The following PPM1L variants were observed in gnomAD, a reference collection of about 807,000 sequenced individuals.
PPM1L encodes protein phosphatase 1L.
Under a neutral mutation model 31.4 loss-of-function variants are expected in PPM1L, and 13 were observed. The observed-to-expected ratio is 0.41, with a 90% CI of 0.27 to 0.66. PPM1L has a LOEUF of 0.66. Ranked by LOEUF, PPM1L falls within the 30% of genes least tolerant of loss-of-function variation. The probability of loss-of-function intolerance (pLI) is 0.29; values close to 1 mark genes in which losing one functional copy is unlikely to be tolerated. For missense variants in PPM1L, 326 were observed against 453.7 expected, an observed-to-expected ratio of 0.72 and a Z score of 2.56; for synonymous variants, 184 against 175.4, an observed-to-expected ratio of 1.05 and a Z score of -0.39.
At chr3:161,025,302 G>A (rs982394142) in intron 2 of PPM1L, among the ~76,000 whole-genome samples, 16 of 152,028 alleles carry the variant, frequency 1.1e-4, no homozygotes, top group Non-Finnish European at 2.1e-4. Flanking sequence ...AGTGGCTTGC[G>A]CTTATAATCC....
At chr3:160,848,876 C>T (rs1471955934) in intron 1 of PPM1L, among the ~76,000 whole-genome samples, 1 of 152,202 alleles carries the variant, frequency 6.6e-6, no homozygotes, top group Non-Finnish European at 1.5e-5. Context: ...GGAAATCTGG[C>T]AGTCCTCTAG....
intron 1 of PPM1L, among the ~76,000 whole-genome samples, chr3:160,858,994 C>T (rs1468028746): frequency 4.6e-5 from 7 of 152,106 alleles, no homozygotes; most frequent in Non-Finnish European, 8.8e-5. Context: ...TTCCCGTGGC[C>T]ACTGGGGTAG....
chr3:160,829,295 C>A (rs1195060584), intron 1 of PPM1L, among the ~76,000 whole-genome samples: 1 of 151,636 alleles, frequency 6.6e-6, no homozygotes, highest in Non-Finnish European at 1.5e-5. Context: ...CCAATGAATA[C>A]TCAATAAATG....
intron 2 of PPM1L, among the ~76,000 whole-genome samples, chr3:161,061,402 G>A (rs1280746091): frequency 6.6e-6 from 1 of 152,158 alleles, no homozygotes; most frequent in Non-Finnish European, 1.5e-5. Context: ...TTCACCATGA[G>A]GTAGATCTTA....
intron 2 of PPM1L, among the ~76,000 whole-genome samples, chr3:161,041,256 C>T (rs936480093): frequency 6.6e-6 from 1 of 152,178 alleles, no homozygotes; most frequent in Non-Finnish European, 1.5e-5. Flanking sequence ...CTGGCCCCGC[C>T]CTGGCTTTGA....
chr3:160,943,701 A>G (rs780727748), intron 1 of PPM1L, among the ~76,000 whole-genome samples: 12 of 152,166 alleles, frequency 7.9e-5, no homozygotes, highest in East Asian at 1.9e-4. Context: ...AATTGATAGT[A>G]GAAATTCAGT....
intron 1 of PPM1L, among the ~76,000 whole-genome samples, chr3:160,806,709 A>G (rs1712608660): frequency 6.6e-6 from 1 of 151,938 alleles, no homozygotes; most frequent in Admixed American, 6.6e-5. Context: ...ATTCGAATGT[A>G]GCCTGAGCAA....
At chr3:160,936,528 A>G (rs1481919511) in intron 1 of PPM1L, among the ~76,000 whole-genome samples, 4 of 152,188 alleles carry the variant, frequency 2.6e-5, no homozygotes, top group Non-Finnish European at 4.4e-5. Context: ...AGTTTCTCGG[A>G]TGTTTAGTAT....
chr3:160,780,106 C>G (rs559985277), intron 1 of PPM1L, among the ~76,000 whole-genome samples: 1 of 152,102 alleles, frequency 6.6e-6, no homozygotes, highest in South Asian at 2.1e-4. Context: ...CCCATTGCAG[C>G]CTCAAACTCC....
intron 2 of PPM1L, among the ~76,000 whole-genome samples, chr3:161,010,603 T>A (rs1435312677): frequency 1.3e-5 from 2 of 152,186 alleles, no homozygotes; most frequent in African/African-American, 4.8e-5. Context: ...TGCCACACTG[T>A]CTTCCACAAT....
chr3:160,991,570 T>G (rs999191800), intron 2 of PPM1L, among the ~76,000 whole-genome samples: 1 of 152,164 alleles, frequency 6.6e-6, no homozygotes, highest in Non-Finnish European at 1.5e-5. Flanking sequence ...CTTGATGAAA[T>G]TTTTTTAAAT....
intron 1 of PPM1L, among the ~76,000 whole-genome samples, chr3:160,900,892 T>C (rs372689408): frequency 3.2e-4 from 48 of 152,298 alleles, no homozygotes; most frequent in African/African-American, 1.1e-3. Context: ...ATCTAAATGA[T>C]CAGTTCTTTG....
intron 1 of PPM1L, among the ~76,000 whole-genome samples, chr3:160,790,178 A>G (rs1332353217): frequency 1.3e-5 from 2 of 152,154 alleles, no homozygotes. Flanking sequence ...GCTGTGAGGT[A>G]GGACTTTGAC....
chr3:161,018,444 A>C (rs765442969), intron 2 of PPM1L, among the ~76,000 whole-genome samples: 27 of 152,190 alleles, frequency 1.8e-4, no homozygotes, highest in Non-Finnish European at 3.1e-4. Context: ...ATATTTTTAC[A>C]AATGGAATTC....
At chr3:160,898,765 A>G (rs2108051788) in intron 1 of PPM1L, among the ~76,000 whole-genome samples, 2 of 152,310 alleles carry the variant, frequency 1.3e-5, no homozygotes, top group Middle Eastern at 3.4e-3. Context: ...AGTAGGTGCC[A>G]CTTATGAACA....
At chr3:160,972,916 A>G (rs1319229794) in intron 2 of PPM1L, among the ~76,000 whole-genome samples, 1 of 152,032 alleles carries the variant, frequency 6.6e-6, no homozygotes, top group Non-Finnish European at 1.5e-5. Flanking sequence ...ATGGTATCTC[A>G]CTGTGGTTTT....
intron 2 of PPM1L, among the ~76,000 whole-genome samples, chr3:160,966,329 A>G (rs1460572010): frequency 6.6e-6 from 1 of 152,178 alleles, no homozygotes; most frequent in Non-Finnish European, 1.5e-5. Context: ...TAATATGAGA[A>G]TAATAATTGT....
intron 2 of PPM1L, among the ~76,000 whole-genome samples, chr3:161,060,455 G>C (rs1356748152): frequency 6.6e-6 from 1 of 152,140 alleles, no homozygotes; most frequent in Non-Finnish European, 1.5e-5. Flanking sequence ...AATAGCCCGG[G>C]GGCTAAAATG....
intron 1 of PPM1L, among the ~76,000 whole-genome samples, chr3:160,907,738 G>A (rs989985014): frequency 3.9e-5 from 6 of 152,188 alleles, no homozygotes; most frequent in Non-Finnish European, 8.8e-5. Flanking sequence ...ACTACCCCAA[G>A]CATGTAAGGG....
Sources: allele counts gnomAD v4.1 joint callset (sites outside exome capture counted in the v4.1 genomes callset), GRCh38; gene constraint gnomAD v4.1.1; transcripts MANE v1.5; gene names NCBI Gene and HGNC (gene_info 2026-07-23, HGNC 2026-07-21).